Variants in DCDC1 observed in about 807,000 individuals in gnomAD.
DCDC1 encodes doublecortin domain containing 1.
A neutral mutation model predicts 178.3 loss-of-function variants in DCDC1; 200 were observed. The observed-to-expected ratio is 1.12, with a 90% CI of 1.00 to 1.26. DCDC1 has a LOEUF of 1.26. Ranked by LOEUF, DCDC1 falls within the 50% of genes most tolerant of loss-of-function variation. DCDC1 has a pLI of 0.00. For missense variants in DCDC1, 1,983 were observed against 1,749.2 expected, an observed-to-expected ratio of 1.13 and a Z score of -2.38; for synonymous variants, 690 against 604.8, an observed-to-expected ratio of 1.14 and a Z score of -2.07.
At chr11:31,215,790 T>C (rs1434522800) in intron 9 of DCDC1, among the ~76,000 whole-genome samples, 2 of 130,960 alleles carry the variant, frequency 1.5e-5, no homozygotes, top group African/African-American at 2.8e-5. Flanking sequence ...AGACTCCATC[T>C]AAAAAAAAAA....
At chr11:31,077,758 A>G in intron 18 of DCDC1, 107 bp downstream of exon 18, 1 of 620,026 alleles carries the variant, frequency 1.6e-6, no homozygotes, top group Non-Finnish European at 2.9e-6. Flanking sequence ...GTGAAGTCAT[A>G]TATGCAGAAA....
intron 9 of DCDC1, among the ~76,000 whole-genome samples, chr11:31,220,440 C>T (rs576010498): frequency 6.6e-6 from 1 of 152,178 alleles, no homozygotes; most frequent in African/African-American, 2.4e-5. Context: ...TGACAATATT[C>T]AAAAGAATGC....
intron 9 of DCDC1, among the ~76,000 whole-genome samples, chr11:31,192,786 G>C (rs1205563107): frequency 6.6e-6 from 1 of 151,966 alleles, no homozygotes; most frequent in Non-Finnish European, 1.5e-5. Context: ...CCAGACAGCT[G>C]GTAAAACATT....
chr11:31,005,384 G>A (rs1206472643), intron 20 of DCDC1, among the ~76,000 whole-genome samples: 3 of 152,002 alleles, frequency 2.0e-5, no homozygotes, highest in South Asian at 2.1e-4. Context: ...CTATTCCTTT[G>A]TTGGGGCCCA....
intron 9 of DCDC1, among the ~76,000 whole-genome samples, chr11:31,161,588 C>T (rs1375466285): frequency 6.6e-6 from 1 of 152,168 alleles, no homozygotes; most frequent in South Asian, 2.1e-4. Context: ...ACTGTGGCCC[C>T]AGCAATCGAA....
At chr11:31,134,421 T>C (rs1169301917) in intron 10 of DCDC1, among the ~76,000 whole-genome samples, 1 of 152,204 alleles carries the variant, frequency 6.6e-6, no homozygotes, top group Admixed American at 6.5e-5. Context: ...GATGGCCAAG[T>C]TTGGCTCAAA....
chr11:31,296,074 TAGTC>T (rs764374813), intron 6 of DCDC1, among the ~76,000 whole-genome samples: 3 of 152,060 alleles, frequency 2.0e-5, no homozygotes, highest in East Asian at 1.9e-4. Context: ...AGTTTTCTCC[TAGTC>T]AGTCAGTCAG....
intron 9 of DCDC1, among the ~76,000 whole-genome samples, chr11:31,193,178 G>A (rs1970314700): frequency 6.6e-6 from 1 of 151,978 alleles, no homozygotes; most frequent in African/African-American, 2.4e-5. Flanking sequence ...GGCATATCAT[G>A]AGACTTCTTT....
intron 21 of DCDC1, among the ~76,000 whole-genome samples, chr11:30,948,538 C>T (rs1948205754): frequency 6.6e-6 from 1 of 152,108 alleles, no homozygotes; most frequent in South Asian, 2.1e-4. Flanking sequence ...AAAGAGCCCT[C>T]ATAGCCAAGA....
chr11:31,030,068 G>T (rs1953516976), intron 20 of DCDC1, among the ~76,000 whole-genome samples: 1 of 150,548 alleles, frequency 6.6e-6, no homozygotes, highest in African/African-American at 2.4e-5. Context: ...GTGAAATATA[G>T]TTATTGTGGG....
intron 34 of DCDC1, among the ~76,000 whole-genome samples, chr11:30,895,211 G>T (rs2134070604): frequency 6.6e-6 from 1 of 152,280 alleles, no homozygotes; most frequent in South Asian, 2.1e-4. Context: ...TATGGGTGAG[G>T]TGTTGTGTTG....
chr11:31,152,574 C>A lies in DCDC1; in HGVS notation c.1222-14790G>T, dbSNP rs183547162. ...CTAAAGTCCTCTAATCTCTTTGGGTCGCCTTTCCTGAGGCAGTCTGTCATC... is the reference window on the plus strand; with the variant it reads ...CTAAAGTCCTCTAATCTCTTTGGGTAGCCTTTCCTGAGGCAGTCTGTCATC... On this transcript the variant is annotated intron_variant, in intron 9 of 38. Coordinates refer to ENST00000684477, the MANE Select transcript of DCDC1 (RefSeq NM_001387274.1). Among the ~76,000 whole-genome samples, 395 of 152,278 alleles carry A rather than the reference C, an allele frequency of 2.6e-3. 2 individuals carry two copies. The highest frequency in any genetic ancestry group is 8.6e-3 in the African/African-American group (356 of 41,558).
intron 38 of DCDC1, among the ~76,000 whole-genome samples, chr11:30,875,177 T>A (rs1375307674): frequency 6.6e-6 from 1 of 152,196 alleles, no homozygotes; most frequent in African/African-American, 2.4e-5. Context: ...TTTATTTTCA[T>A]CAGCTTTCTC....
At position 30,969,659 on chromosome 11, in the gene DCDC1, G is replaced by A. The variant is rs140866870; in HGVS notation, c.2592-17091C>T. Among the ~76,000 whole-genome samples the A allele has an allele frequency of 2.0e-3, 299 of 152,278 alleles. 1 individual carries two copies. The highest frequency in any genetic ancestry group is 6.8e-3 in the African/African-American group (281 of 41,560). ...CTTTGCTTTGAGGTAAGTTTTGAGT[G>A]TAGAAATAGAGAAAATTTTATAATT... is the stretch of plus-strand genomic sequence containing the variant. On this transcript the variant is annotated intron_variant, in intron 20 of 38. Transcript: ENST00000684477.
At chr11:31,152,852 C>CA (rs1965314109) in intron 9 of DCDC1, among the ~76,000 whole-genome samples, 3 of 152,240 alleles carry the variant, frequency 2.0e-5, no homozygotes, top group Admixed American at 2.0e-4. Flanking sequence ...CACAGAACGG[C>CA]ATAATTAGTT....
intron 2 of DCDC1, 28 bp from the exon 3 acceptor site, chr11:31,328,314 T>G: frequency 6.5e-7 from 1 of 1,531,294 alleles, no homozygotes; most frequent in Non-Finnish European, 8.8e-7. Flanking sequence ...TGTTATTTAA[T>G]TTTAAATGTA....
chr11:31,083,735 T>C (rs575422920), intron 17 of DCDC1, among the ~76,000 whole-genome samples: 224 of 152,350 alleles, frequency 1.5e-3, no homozygotes, highest in African/African-American at 4.9e-3. Flanking sequence ...TGTAATAACA[T>C]GCAAGCCAAA....
intron 20 of DCDC1, among the ~76,000 whole-genome samples, chr11:30,997,465 T>C (rs1164558259): frequency 1.3e-5 from 2 of 151,996 alleles, no homozygotes; most frequent in Non-Finnish European, 2.9e-5. Context: ...AAAGCGCTAA[T>C]CTAGTAACTG....
intron 16 of DCDC1, among the ~76,000 whole-genome samples, chr11:31,092,543 A>G (rs1262690261): frequency 6.6e-6 from 1 of 152,228 alleles, no homozygotes; most frequent in Non-Finnish European, 1.5e-5. Flanking sequence ...AGAAAACAGT[A>G]GTTCAATGCA....
Sources: allele counts gnomAD v4.1 joint callset (sites outside exome capture counted in the v4.1 genomes callset), GRCh38; gene constraint gnomAD v4.1.1; transcripts MANE v1.5; gene names NCBI Gene and HGNC (gene_info 2026-07-23, HGNC 2026-07-21).